The following ABTB3 variants were observed in gnomAD, a reference collection of about 807,000 sequenced individuals.
ABTB3 encodes ankyrin repeat and BTB domain containing 3, also known as ankyrin repeat- and BTB/POZ domain-containing protein 3.
the ABTB3 span, among the ~76,000 whole-genome samples, chr12:107,386,460 T>A: frequency 7.9e-5 from 12 of 152,230 alleles, no homozygotes; most frequent in Admixed American, 7.2e-4. Context: ...ACGGAATGAC[T>A]CTTCAAATGA....
At chr12:107,579,936 T>A in the ABTB3 span, among the ~76,000 whole-genome samples, 1 of 152,228 alleles carries the variant, frequency 6.6e-6, no homozygotes, top group East Asian at 1.9e-4. Flanking sequence ...ATCAGAATTA[T>A]CTTCTTGGAC....
the ABTB3 span, among the ~76,000 whole-genome samples, chr12:107,324,216 A>G: frequency 1.3e-5 from 2 of 152,204 alleles, no homozygotes; most frequent in Admixed American, 1.3e-4. Flanking sequence ...TCATTCCCAC[A>G]TGCTTAGGGT....
the ABTB3 span, among the ~76,000 whole-genome samples, chr12:107,455,226 G>T: frequency 6.6e-6 from 1 of 152,222 alleles, no homozygotes; most frequent in Non-Finnish European, 1.5e-5. Context: ...GTGCCACATT[G>T]GTGGGGATAA....
the ABTB3 span, among the ~76,000 whole-genome samples, chr12:107,459,445 A>G: frequency 6.6e-5 from 10 of 152,348 alleles, no homozygotes; most frequent in East Asian, 1.4e-3. Context: ...CTTACCATCT[A>G]CAGAGACAGG....
At chr12:107,642,049 T>C in the ABTB3 span, 2 of 1,574,492 alleles carry the variant, frequency 1.3e-6, no homozygotes, top group Non-Finnish European at 1.7e-6. Context: ...CATGGATTTG[T>C]GTGTGAGTCT....
chr12:107,481,113 T>C, the ABTB3 span, among the ~76,000 whole-genome samples: 5 of 152,168 alleles, frequency 3.3e-5, no homozygotes, highest in Non-Finnish European at 7.4e-5. Context: ...AATGGTGCTA[T>C]TGACAACAAA....
the ABTB3 span, chr12:107,657,806 C>T: frequency 7.0e-7 from 1 of 1,438,508 alleles, no homozygotes; most frequent in Non-Finnish European, 9.7e-7. Flanking sequence ...TTCCACCTGG[C>T]ACCTGTTTTT....
the ABTB3 span, among the ~76,000 whole-genome samples, chr12:107,334,463 G>A: frequency 6.6e-6 from 1 of 152,170 alleles, no homozygotes; most frequent in African/African-American, 2.4e-5. Context: ...ACAACGAGGA[G>A]GAGTTGTCTT....
At chr12:107,415,034 C>T in the ABTB3 span, among the ~76,000 whole-genome samples, 9 of 152,190 alleles carry the variant, frequency 5.9e-5, no homozygotes, top group East Asian at 1.9e-4. Flanking sequence ...TCTTATCCCA[C>T]GCAGACTACA....
At chr12:107,491,163 T>TTCA in the ABTB3 span, among the ~76,000 whole-genome samples, 6 of 152,126 alleles carry the variant, frequency 3.9e-5, no homozygotes, top group Admixed American at 3.9e-4. Flanking sequence ...GATCCATTCA[T>TTCA]TCATCTGTTC....
chr12:107,569,965 A>C, the ABTB3 span, among the ~76,000 whole-genome samples: 5 of 152,232 alleles, frequency 3.3e-5, no homozygotes, highest in Admixed American at 6.5e-5. Flanking sequence ...CAGAGGGAAG[A>C]CTAGAGAAGG....
the ABTB3 span, among the ~76,000 whole-genome samples, chr12:107,425,160 C>T: frequency 6.6e-6 from 1 of 152,220 alleles, no homozygotes. Flanking sequence ...CACGGCCCTG[C>T]CATGCTGACC....
chr12:107,344,170 G>A, the ABTB3 span, among the ~76,000 whole-genome samples: 4 of 152,108 alleles, frequency 2.6e-5, no homozygotes, highest in African/African-American at 9.7e-5. Flanking sequence ...CAAAGGGTAG[G>A]AAAAAGGGTA....
At chr12:107,491,846 G>A in the ABTB3 span, among the ~76,000 whole-genome samples, 2 of 149,954 alleles carry the variant, frequency 1.3e-5, no homozygotes, top group Non-Finnish European at 3.0e-5. Context: ...AAAAAAACCC[G>A]GTTGAACCCA....
chr12:107,571,132 A>G, the ABTB3 span, among the ~76,000 whole-genome samples: 1 of 152,226 alleles, frequency 6.6e-6, no homozygotes, highest in Non-Finnish European at 1.5e-5. Context: ...TTCACATATA[A>G]CAAACCCTCA....
chr12:107,358,446 A>G, the ABTB3 span, among the ~76,000 whole-genome samples: 1 of 152,150 alleles, frequency 6.6e-6, no homozygotes, highest in Admixed American at 6.5e-5. Flanking sequence ...GCTGGAGTGC[A>G]TTGCGGAGGG....
the ABTB3 span, among the ~76,000 whole-genome samples, chr12:107,410,248 C>A: frequency 3.8e-5 from 5 of 133,284 alleles, no homozygotes; most frequent in African/African-American, 1.6e-4. Flanking sequence ...AAAAAAAAGT[C>A]AGCTACGCTA....
the ABTB3 span, among the ~76,000 whole-genome samples, chr12:107,347,995 A>T: frequency 6.6e-6 from 1 of 152,054 alleles, no homozygotes; most frequent in Non-Finnish European, 1.5e-5. Flanking sequence ...GAAGGTACAG[A>T]AGGCTTCAAA....
the ABTB3 span, among the ~76,000 whole-genome samples, chr12:107,487,668 G>A: frequency 6.6e-6 from 1 of 152,132 alleles, no homozygotes; most frequent in African/African-American, 2.4e-5. Flanking sequence ...TTCTACTCCA[G>A]TAGGGTTGAT....
Sources: gnomAD v4.1 joint callset for allele counts (sites outside exome capture counted in the v4.1 genomes callset) on GRCh38, gnomAD v4.1.1 for gene constraint, MANE v1.5 for transcripts, NCBI Gene and HGNC (gene_info 2026-07-23, HGNC 2026-07-21) for gene names.